Variants in RALA observed in about 807,000 individuals in gnomAD.
RALA encodes the protein RAS like proto-oncogene A, also known as ras-related protein Ral-A.
A neutral mutation model predicts 24.0 loss-of-function variants in RALA; 5 were observed. The observed-to-expected ratio is 0.21, with a 90% CI of 0.11 to 0.44. The LOEUF is 0.44. Among genes scored for constraint, RALA ranks in the 20% least tolerant of loss-of-function variants. RALA has a pLI of 0.99. For missense variants in RALA, 95 were observed against 241.2 expected (o/e 0.39, Z 4.01); for synonymous variants, 77 against 83.8 (o/e 0.92, Z 0.44).
At chr7:39,684,954 AC>A (rs982569935) in intron 1 of RALA, among the ~76,000 whole-genome samples, 1 of 152,124 alleles carries the variant, frequency 6.6e-6, no homozygotes, top group Non-Finnish European at 1.5e-5. Flanking sequence ...CAGACTATTA[AC>A]CCAAGTGAAC....
chr7:39,647,554 G>A (rs16870185), intron 1 of RALA, among the ~76,000 whole-genome samples: 12,064 of 152,160 alleles, frequency 0.079, 1,028 homozygotes, highest in African/African-American at 0.21. Context: ...TGTGATCCCG[G>A]ACATGTTTGC....
At chr7:39,651,235 G>A (rs1464350070) in intron 1 of RALA, among the ~76,000 whole-genome samples, 2 of 152,226 alleles carry the variant, frequency 1.3e-5, no homozygotes, top group Non-Finnish European at 2.9e-5. Context: ...GTTCAGGGTA[G>A]GCTAGGTGTA....
At position 39,662,992 on chromosome 7, in the gene RALA, T is replaced by C. The variant is rs773237461; in HGVS notation, c.-37-23639T>C. Among the ~76,000 whole-genome samples, 33 of 152,164 alleles carry C rather than the reference T, an allele frequency of 2.2e-4. 1 individual carries two copies. The highest frequency in any genetic ancestry group is 3.9e-4 in the African/African-American group (16 of 41,432). On this transcript the variant is annotated intron_variant, in intron 1 of 4. Coordinates refer to ENST00000005257, the MANE Select transcript of RALA (RefSeq NM_005402.4). ...ATCATGGCAGAAGGTGAAAGGCACA[T>C]CTTACATGGTGGCAGATGAGAGAGT...
chr7:39,667,206 A>AT (rs1792299378), intron 1 of RALA, among the ~76,000 whole-genome samples: 2 of 152,182 alleles, frequency 1.3e-5, no homozygotes, highest in Admixed American at 6.5e-5. Context: ...ATGTCTTGGA[A>AT]TTTTTTTTAT....
intron 1 of RALA, chr7:39,624,401 G>C (rs1329186936): frequency 2.6e-5 from 4 of 151,596 alleles, no homozygotes; most frequent in Admixed American, 6.6e-5. Flanking sequence ...GGCCTTGGGC[G>C]CTTGCACAGC....
At chr7:39,643,470 C>G (rs1791855245) in intron 1 of RALA, among the ~76,000 whole-genome samples, 2 of 152,208 alleles carry the variant, frequency 1.3e-5, no homozygotes, top group Admixed American at 6.5e-5. Context: ...CCTCTAACCC[C>G]AGCACTTTGA....
Position 39,675,478 on chromosome 7 carries a change from G to A in RALA, c.-37-11153G>A, listed in dbSNP as rs76832299. On this transcript the variant is annotated intron_variant, in intron 1 of 4. Coordinates refer to ENST00000005257, the MANE Select transcript of RALA (RefSeq NM_005402.4). ...TGGGCCTGGCACAGTGGCTCAGCCCGTAATCCTAACATGGAGGCCTAGGCG... is the reference window on the plus strand; with the variant it reads ...TGGGCCTGGCACAGTGGCTCAGCCCATAATCCTAACATGGAGGCCTAGGCG... Among the ~76,000 whole-genome samples, 824 of 152,282 alleles carry A rather than the reference G, an allele frequency of 5.4e-3. 8 individuals carry two copies. Among genetic ancestry groups the A allele is most frequent in the African/African-American group, 0.019 (775 of 41,566 alleles).
intron 1 of RALA, among the ~76,000 whole-genome samples, chr7:39,665,704 G>T (rs1035289516): frequency 1.3e-5 from 2 of 149,970 alleles, no homozygotes; most frequent in Non-Finnish European, 3.0e-5. Context: ...CTTATAAAAT[G>T]ATTTGGGTAG....
intron 4 of RALA, among the ~76,000 whole-genome samples, chr7:39,705,192 C>T (rs1793097126): frequency 6.6e-6 from 1 of 152,158 alleles, no homozygotes; most frequent in African/African-American, 2.4e-5. Context: ...GGTAGCGCTC[C>T]ATCTGCTATT....
intron 1 of RALA, among the ~76,000 whole-genome samples, chr7:39,632,121 G>GCCCTATCA (rs2115917481): frequency 6.6e-6 from 1 of 152,312 alleles, no homozygotes; most frequent in South Asian, 2.1e-4. Context: ...TGAGGAATCT[G>GCCCTATCA]CCCTATGACG....
At chr7:39,687,814 T>C (rs1391631694) in intron 2 of RALA, among the ~76,000 whole-genome samples, 2 of 152,202 alleles carry the variant, frequency 1.3e-5, no homozygotes, top group Non-Finnish European at 2.9e-5. Flanking sequence ...AAACAGAACC[T>C]CAGAGAGTTA....
intron 1 of RALA, among the ~76,000 whole-genome samples, chr7:39,646,848 C>A (rs1791932853): frequency 6.6e-6 from 1 of 152,032 alleles, no homozygotes; most frequent in South Asian, 2.1e-4. Flanking sequence ...CCATGTACTG[C>A]TGTTCAGTTA....
chr7:39,697,949 G>GTT (rs1491469512), intron 4 of RALA, among the ~76,000 whole-genome samples: 1 of 15,052 alleles, frequency 6.6e-5, no homozygotes, highest in South Asian at 9.4e-3. Flanking sequence ...ACTAGGGCAA[G>GTT]TGTGTGTGTG....
Position 39,696,730 on chromosome 7 carries a change from A to G in RALA, c.369A>G (p.Leu123=). 1 of 1,611,360 alleles carries G rather than the reference A, an allele frequency of 6.2e-7. No individual in the cohort carries two copies. The highest frequency in any genetic ancestry group is 8.5e-7 in the Non-Finnish European group (1 of 1,178,052). ...RVKEDENVPF[L]LVGNKSDLED... is the part of the protein sequence containing the mutation. Reference sequence around the variant, plus strand: ...AAGAAGATGAGAATGTTCCATTTCTACTGGTTGGTAACAAATCAGATTTAG... The same window carrying G: ...AAGAAGATGAGAATGTTCCATTTCTGCTGGTTGGTAACAAATCAGATTTAG... Residue 123 remains leucine (L), a synonymous_variant, in exon 4 of 5, where the codon CTA becomes CTG. Coordinates refer to ENST00000005257, the MANE Select transcript of RALA (RefSeq NM_005402.4).
chr7:39,675,389 G>T (rs1487587145), intron 1 of RALA, among the ~76,000 whole-genome samples: 1 of 152,180 alleles, frequency 6.6e-6, no homozygotes, highest in Non-Finnish European at 1.5e-5. Context: ...CCGATCTTCA[G>T]GTTAGAGATG....
intron 4 of RALA, among the ~76,000 whole-genome samples, chr7:39,704,643 T>A (rs1793086098): frequency 6.6e-6 from 1 of 151,828 alleles, no homozygotes. Flanking sequence ...TAATTTGATT[T>A]TCAATTTTTA....
intron 1 of RALA, among the ~76,000 whole-genome samples, chr7:39,676,594 A>G (rs1295527792): frequency 6.6e-6 from 1 of 152,134 alleles, no homozygotes; most frequent in Non-Finnish European, 1.5e-5. Context: ...AGCATTTCAC[A>G]TTTTGGATTT....
At chr7:39,675,140 A>G (rs2116035655) in intron 1 of RALA, among the ~76,000 whole-genome samples, 1 of 152,290 alleles carries the variant, frequency 6.6e-6, no homozygotes, top group East Asian at 1.9e-4. Context: ...TGTGTGAAAC[A>G]AAGTTTGTAT....
At chr7:39,627,910 CAT>C (rs1791521539) in intron 1 of RALA, among the ~76,000 whole-genome samples, 1 of 152,198 alleles carries the variant, frequency 6.6e-6, no homozygotes, top group Non-Finnish European at 1.5e-5. Flanking sequence ...TCCTTAATCT[CAT>C]ATACAAAACC....
Sources: gnomAD v4.1 joint callset for allele counts (sites outside exome capture counted in the v4.1 genomes callset) on GRCh38, gnomAD v4.1.1 for gene constraint, MANE v1.5 for transcripts, NCBI Gene and HGNC (gene_info 2026-07-23, HGNC 2026-07-21) for gene names.